MSRB3: variants seen among roughly 807,000 people sequenced by gnomAD.
MSRB3 encodes the protein methionine-R-sulfoxide reductase B3.
A neutral mutation model predicts 21.0 loss-of-function variants in MSRB3; 13 were observed. The observed-to-expected ratio is 0.62, with a 90% CI of 0.40 to 0.98. The LOEUF is 0.98. MSRB3 is among the 50% of genes least tolerant of loss of function. The probability of loss-of-function intolerance (pLI) is 0.00; values close to 1 mark genes in which losing one functional copy is unlikely to be tolerated. For synonymous variants in MSRB3, 87 were observed against 88.6 expected (o/e 0.98, Z 0.10); for missense variants, 199 against 230.3 (o/e 0.86, Z 0.88).
intron 3 of MSRB3, 106 bp from the exon 4 acceptor site, chr12:65,328,420 A>T: frequency 1.3e-6 from 1 of 785,794 alleles, no homozygotes. Flanking sequence ...TCATTCTAGT[A>T]CAAAAAGCCC....
intron 2 of MSRB3, among the ~76,000 whole-genome samples, chr12:65,313,646 G>A (rs1189553851): frequency 1.3e-5 from 2 of 152,148 alleles, no homozygotes; most frequent in Non-Finnish European, 2.9e-5. Context: ...TCAGAACACC[G>A]TGTTTCTGAT....
At chr12:65,294,626 CT>C (rs1363306940) in intron 1 of MSRB3, among the ~76,000 whole-genome samples, 4 of 152,190 alleles carry the variant, frequency 2.6e-5, no homozygotes, top group Non-Finnish European at 5.9e-5. Context: ...TTCCTCTTTG[CT>C]TTAAAAAAAT....
intron 2 of MSRB3, among the ~76,000 whole-genome samples, chr12:65,323,484 A>G (rs940567910): frequency 6.6e-6 from 1 of 152,212 alleles, no homozygotes; most frequent in African/African-American, 2.4e-5. Flanking sequence ...ATGTGTGTAC[A>G]CACACACTCA....
At chr12:65,430,348 G>A (rs997338905) in intron 5 of MSRB3, among the ~76,000 whole-genome samples, 1 of 152,136 alleles carries the variant, frequency 6.6e-6, no homozygotes, top group African/African-American at 2.4e-5. Flanking sequence ...AATTAAATAA[G>A]AGTAATTTGC....
intron 5 of MSRB3, among the ~76,000 whole-genome samples, chr12:65,397,995 G>A (rs536740421): frequency 1.1e-4 from 17 of 152,068 alleles, no homozygotes; most frequent in Admixed American, 8.5e-4. Context: ...CATTTTCTTC[G>A]TTCAGTCTAT....
At chr12:65,376,093 G>A (rs1468707152) in intron 5 of MSRB3, among the ~76,000 whole-genome samples, 2 of 151,196 alleles carry the variant, frequency 1.3e-5, no homozygotes, top group Non-Finnish European at 2.9e-5. Flanking sequence ...TATCTGACAA[G>A]GACAGTGAAA....
chr12:65,317,467 T>C (rs370254747), intron 2 of MSRB3, among the ~76,000 whole-genome samples: 3 of 152,170 alleles, frequency 2.0e-5, no homozygotes, highest in Admixed American at 1.3e-4. Flanking sequence ...TCTGAGAAGG[T>C]CTTCAAGAAA....
At chr12:65,290,990 ATGTACCACAACTT>A (rs1475103593) in intron 1 of MSRB3, among the ~76,000 whole-genome samples, 1 of 152,200 alleles carries the variant, frequency 6.6e-6, no homozygotes, top group Non-Finnish European at 1.5e-5. Flanking sequence ...ATTGGCAGAG[ATGTACCACAACTT>A]TGTAACACAA....
intron 4 of MSRB3, among the ~76,000 whole-genome samples, chr12:65,367,315 T>A (rs1878068244): frequency 6.6e-6 from 1 of 152,170 alleles, no homozygotes; most frequent in East Asian, 1.9e-4. Context: ...AAGAGGAACC[T>A]GTGGAGAACC....
intron 5 of MSRB3, among the ~76,000 whole-genome samples, chr12:65,437,946 G>A (rs988678417): frequency 2.0e-5 from 3 of 151,862 alleles, no homozygotes; most frequent in East Asian, 1.9e-4. Flanking sequence ...TACTGTAGCC[G>A]TTGTGTGACC....
chr12:65,400,573 T>C (rs1362209310), intron 5 of MSRB3, among the ~76,000 whole-genome samples: 1 of 152,174 alleles, frequency 6.6e-6, no homozygotes, highest in Non-Finnish European at 1.5e-5. Flanking sequence ...CCTGGATTCA[T>C]TGATTTTTTT....
chr12:65,295,262 A>T (rs1421746521), intron 1 of MSRB3, among the ~76,000 whole-genome samples: 1 of 151,946 alleles, frequency 6.6e-6, no homozygotes, highest in East Asian at 1.9e-4. Flanking sequence ...GTAGCATTTG[A>T]CTCTTTTCTA....
At chr12:65,458,527 C>T (rs1330768441) in intron 6 of MSRB3, among the ~76,000 whole-genome samples, 1 of 152,168 alleles carries the variant, frequency 6.6e-6, no homozygotes, top group Non-Finnish European at 1.5e-5. Flanking sequence ...GTGTAGGAAA[C>T]AGCACACTGC....
intron 1 of MSRB3, among the ~76,000 whole-genome samples, chr12:65,294,886 A>G (rs2136401220): frequency 6.6e-6 from 1 of 152,148 alleles, no homozygotes; most frequent in East Asian, 1.9e-4. Flanking sequence ...CAGTGGTGTG[A>G]TCACGGCTCC....
intron 4 of MSRB3, among the ~76,000 whole-genome samples, chr12:65,366,143 TGCA>T (rs1877999089): frequency 6.6e-6 from 1 of 152,190 alleles, no homozygotes; most frequent in African/African-American, 2.4e-5. Flanking sequence ...CAGGAGGGTT[TGCA>T]TTAAGAGTTC....
chr12:65,340,325 A>C (rs1162044070), intron 4 of MSRB3, among the ~76,000 whole-genome samples: 5 of 152,180 alleles, frequency 3.3e-5, no homozygotes, highest in Non-Finnish European at 7.4e-5. Flanking sequence ...TGAAGCTAGG[A>C]GGGCAAGAAA....
intron 4 of MSRB3, among the ~76,000 whole-genome samples, chr12:65,356,672 A>G (rs1016167027): frequency 2.6e-5 from 4 of 151,944 alleles, no homozygotes; most frequent in Non-Finnish European, 4.4e-5. Context: ...AGATTTTCTT[A>G]GCTTTAAAAG....
intron 5 of MSRB3, among the ~76,000 whole-genome samples, chr12:65,422,428 A>ATATT (rs1555212226): frequency 0.064 from 4,613 of 71,630 alleles, 263 homozygotes; most frequent in Middle Eastern, 0.08. Flanking sequence ...ATATATATAT[A>ATATT]TATTTATTTA....
chr12:65,300,266 G>C (rs948127420), intron 1 of MSRB3, among the ~76,000 whole-genome samples: 2 of 152,166 alleles, frequency 1.3e-5, no homozygotes, highest in Non-Finnish European at 2.9e-5. Flanking sequence ...TTGGTGTTGA[G>C]ACAAGTTTAT....
Sources: allele counts gnomAD v4.1 joint callset (sites outside exome capture counted in the v4.1 genomes callset), GRCh38; gene constraint gnomAD v4.1.1; transcripts MANE v1.5; gene names NCBI Gene and HGNC (gene_info 2026-07-23, HGNC 2026-07-21).